USP1: variants seen among roughly 807,000 people sequenced by gnomAD.
USP1 encodes the protein ubiquitin specific peptidase 1.
In USP1, 18 loss-of-function variants were observed where a neutral mutation model predicts 72.2. The observed-to-expected ratio is 0.25, with a 90% confidence interval of 0.17 to 0.37. USP1 has a LOEUF of 0.37. Ranked by LOEUF, USP1 falls within the 10% of genes least tolerant of loss-of-function variation. The probability of loss-of-function intolerance (pLI) is 1.00; values close to 1 mark genes in which losing one functional copy is unlikely to be tolerated. For missense variants in USP1, 759 were observed against 884.9 expected (o/e 0.86, Z 1.81); for synonymous variants, 354 against 303.7 (o/e 1.17, Z -1.72).
Position 62,444,861 on chromosome 1 carries a change from A to G in USP1, c.681A>G (p.Ala227=), listed in dbSNP as rs777495909. The change falls in exon 6 of 9, where the codon GCA becomes GCG. Residue 227 remains alanine, a synonymous_variant. Transcript: ENST00000339950. ...AAAAAGAAGAAGTAAAAAATGTGGC[A>G]GAATTACCTACTAAGGTAGAAGAAA... is the stretch of plus-strand genomic sequence containing the variant. ...LLKKEEVKNV[A]ELPTKVEEIP... 17 of 1,613,614 alleles carry G rather than the reference A, an allele frequency of 1.1e-5. No individual in the cohort carries two copies. Among genetic ancestry groups the G allele is most frequent in the Non-Finnish European group, 1.2e-5 (14 of 1,179,820 alleles).
At chr1:62,440,173 A>G in intron 2 of USP1, 136 bp downstream of exon 2, 1 of 691,734 alleles carries the variant, frequency 1.4e-6, no homozygotes, top group Non-Finnish European at 2.1e-6. Context: ...AGTCAAATCT[A>G]GCAGTTTATA....
chr1:62,441,506 A>T lies in USP1; in HGVS notation c.189A>T (p.Ala63=). The T allele has an allele frequency of 1.2e-6, 2 of 1,610,096 alleles. No individual in the cohort carries two copies. The highest frequency in any genetic ancestry group is 1.7e-6 in the Non-Finnish European group (2 of 1,178,904). The part of the protein sequence containing the change: ...RASEIDQVVP[A]AQSSPINCEK... ...TTCATAGTGATCAAGTTGTTCCTGC[A>T]GCACAGTCTTCACCTATAAACTGTG... The change falls in exon 3 of 9, where the codon GCA becomes GCT. Residue 63 remains alanine (A), a synonymous_variant. Coordinates refer to ENST00000339950, the MANE Select transcript of USP1 (RefSeq NM_003368.5).
intron 1 of USP1, among the ~76,000 whole-genome samples, chr1:62,438,111 C>A (rs1015137244): frequency 7.2e-5 from 11 of 151,994 alleles, no homozygotes; most frequent in African/African-American, 2.7e-4. Flanking sequence ...ATGTTACATT[C>A]TCGGTGTGAG....
At chr1:62,447,048 G>A (rs908434323) in intron 6 of USP1, among the ~76,000 whole-genome samples, 1 of 152,058 alleles carries the variant, frequency 6.6e-6, no homozygotes, top group African/African-American at 2.4e-5. Flanking sequence ...TCCGACCTCA[G>A]GTGATCTGCC....
intron 5 of USP1, among the ~76,000 whole-genome samples, chr1:62,444,526 A>G (rs769455060): frequency 1.2e-4 from 19 of 152,180 alleles, no homozygotes; most frequent in Non-Finnish European, 2.6e-4. Flanking sequence ...ATATATTTAG[A>G]AGAGGATCAA....
At position 62,445,040 on chromosome 1, in the gene USP1, C is replaced by G. The variant is rs759419689; in HGVS notation, c.860C>G (p.Ser287Cys). The change falls in exon 6 of 9, where the codon TCC becomes TGC. Residue 287 changes from serine (S) to cysteine (C), a missense_variant. Transcript: ENST00000339950. ...AACATGAAGAAAAAAGTTAAATTAT[C>G]CAAGGAACACCAGTCATTGGAAGAG... is the stretch of plus-strand genomic sequence containing the variant. Reference protein sequence around the residue: ...FGNMKKKVKLSKEHQSLEENQ... With the variant: ...FGNMKKKVKLCKEHQSLEENQ... 1.2e-6 allele frequency: 2 copies of G among 1,612,902 alleles called. No individual in the cohort carries two copies. The highest frequency in any genetic ancestry group is 1.7e-6 in the Non-Finnish European group (2 of 1,179,766).
chr1:62,448,718 TAA>T lies in USP1; in HGVS notation c.1622+53_1622+54del, dbSNP rs749904592. ...GAAGAAAATGAGCTGCTGTAGAAGA[TAA>T]GTCTTGTTCAAAATGCTGTAATAGT... On this transcript the variant is annotated intron_variant, in intron 8 of 8. Coordinates refer to ENST00000339950, the MANE Select transcript of USP1 (RefSeq NM_003368.5). 18 of 1,549,106 alleles carry T rather than the reference TAA, an allele frequency of 1.2e-5. No individual in the cohort carries two copies. The South Asian group carries it at 1.8e-4, about 16-fold the overall frequency.
Position 62,444,892 on chromosome 1 carries a change from C to G in USP1, c.712C>G (p.His238Asp). 1 of 1,613,548 alleles carries G rather than the reference C, an allele frequency of 6.2e-7. No homozygotes were observed. Among genetic ancestry groups the G allele is most frequent in the Non-Finnish European group, 8.5e-7 (1 of 1,179,814 alleles). ...ACCTACTAAGGTAGAAGAAATACCT[C>G]ATCCGAAAGAGGAAATGAATGGTAT... ...ELPTKVEEIP[H>D]PKEEMNGINS... Residue 238 changes from histidine (H) to aspartate (D), a missense_variant, in exon 6 of 9, where the codon CAT (histidine) becomes GAT (aspartate). Around this residue, in one of 9 missense-constraint regions of USP1, gnomAD observed 245 missense variants for 240.7 expected, o/e 1.02. Transcript: ENST00000339950.
Position 62,450,703 on chromosome 1 carries a change from G to A in USP1, c.2080G>A (p.Ala694Thr), listed in dbSNP as rs1227080414. Reference sequence around the variant, plus strand: ...TAATCCTGATAAGGTTGCTAGTACAGCGTTTGCTGAAAATAGAAATTCTGA... The same window carrying A: ...TAATCCTGATAAGGTTGCTAGTACAACGTTTGCTGAAAATAGAAATTCTGA... ...ASNPDKVASTAFAENRNSETS... is the reference protein window; with the variant it reads ...ASNPDKVASTTFAENRNSETS... Residue 694 changes from alanine to threonine, a missense_variant, in exon 9 of 9, where the codon GCG becomes ACG. Transcript: ENST00000339950. 1 of 1,614,108 alleles carries A rather than the reference G, an allele frequency of 6.2e-7. No individual in the cohort carries two copies.
chr1:62,437,567 C>A (rs1484550386), intron 1 of USP1, among the ~76,000 whole-genome samples, 167 bp downstream of exon 1: 1 of 152,078 alleles, frequency 6.6e-6, no homozygotes, highest in East Asian at 1.9e-4. Context: ...GTCTTGCCGC[C>A]GCCGGGACGC....
chr1:62,450,131 A>G (rs1444694553), intron 8 of USP1, 115 bp from the exon 9 acceptor site: 4 of 1,304,882 alleles, frequency 3.1e-6, no homozygotes, highest in African/African-American at 1.5e-5. Flanking sequence ...TTTCTGATAT[A>G]TGAACACTGG....
Position 62,441,580 on chromosome 1 carries a change from A to G in USP1, c.263A>G (p.Asn88Ser), listed in dbSNP as rs1478202620. The G allele has an allele frequency of 1.9e-6, 3 of 1,613,312 alleles. No homozygotes were observed. The highest frequency in any genetic ancestry group is 1.7e-6 in the Non-Finnish European group (2 of 1,179,720). The change falls in exon 3 of 9, where the codon AAT becomes AGT. Residue 88 changes from asparagine to serine, a missense_variant. Physicochemically the swap from Asn to Ser is conservative, Grantham distance 46 (BLOSUM62 1). Around this residue, in one of 9 missense-constraint regions of USP1, gnomAD observed 13 missense variants for 35.5 expected, o/e 0.37. Coordinates refer to ENST00000339950, the MANE Select transcript of USP1 (RefSeq NM_003368.5). ...LPFVGLNNLG[N>S]TCYLNSILQV... The stretch of plus-strand genomic sequence containing the variant: ...TTTGTGGGACTGAATAATCTCGGCA[A>G]TACTTGCTATCTTAATAGTATACTT...
chr1:62,444,065 T>C (rs1645152023), intron 5 of USP1, among the ~76,000 whole-genome samples: 2 of 151,964 alleles, frequency 1.3e-5, no homozygotes, highest in African/African-American at 4.8e-5. Flanking sequence ...TCAAGACCAG[T>C]GTGGCCAACA....
Position 62,437,101 on chromosome 1 carries a change from C to T in USP1, c.-369C>T, listed in dbSNP as rs769599093. ...CGGAGTGCTAAAGACCCTAGCGGTTCAGGCGTTCGGCGAGCGGGGCCGCTG... is the reference window on the plus strand; with the variant it reads ...CGGAGTGCTAAAGACCCTAGCGGTTTAGGCGTTCGGCGAGCGGGGCCGCTG... On this transcript the variant is annotated 5_prime_UTR_variant, in exon 1 of 9. Coordinates refer to ENST00000339950, the MANE Select transcript of USP1 (RefSeq NM_003368.5). 3.3e-5 allele frequency: 13 copies of T among 398,914 alleles called. No homozygotes were observed. Among genetic ancestry groups the T allele is most frequent in the Non-Finnish European group, 5.3e-5 (12 of 226,076 alleles). 24.7% of individuals were successfully genotyped at this position (398,914 alleles called of 1,614,324 possible). A position where few individuals can be genotyped will look rare whatever the true frequency, so the allele number is the denominator to read the frequency against.
At chr1:62,443,847 G>T (rs781114955) in intron 5 of USP1, among the ~76,000 whole-genome samples, 1 of 152,152 alleles carries the variant, frequency 6.6e-6, no homozygotes, top group Non-Finnish European at 1.5e-5. Context: ...TCTTAAAAAT[G>T]AAACTTTACA....
chr1:62,439,802 T>C lies in USP1; in HGVS notation c.-66T>C, dbSNP rs1645119796. 15 of 1,270,144 alleles carry C rather than the reference T, an allele frequency of 1.2e-5. No homozygotes were observed. Among genetic ancestry groups the C allele is most frequent in the African/African-American group, 1.5e-5 (1 of 65,620 alleles). The allele number at this position is 1,270,144 out of a possible 1,614,324, so 78.7% of individuals were successfully genotyped here. ...AAACTTTCTCTGTGATTAACAGATATAATTGGTGATTACAACTTTCCTCTA... is the reference window on the plus strand; with the variant it reads ...AAACTTTCTCTGTGATTAACAGATACAATTGGTGATTACAACTTTCCTCTA... On this transcript the variant is annotated 5_prime_UTR_variant, in exon 2 of 9. An upstream open reading frame in the 5' UTR loses its in-frame stop. Transcript: ENST00000339950.
intron 8 of USP1, among the ~76,000 whole-genome samples, chr1:62,449,741 A>G (rs941839974): frequency 6.6e-6 from 1 of 151,884 alleles, no homozygotes; most frequent in African/African-American, 2.4e-5. Context: ...ACAAAACCCT[A>G]TCTCTACAAA....
chr1:62,447,157 A>C (rs1401518695), intron 6 of USP1, among the ~76,000 whole-genome samples, 184 bp from the exon 7 acceptor site: 1 of 152,216 alleles, frequency 6.6e-6, no homozygotes, highest in East Asian at 1.9e-4. Flanking sequence ...AGTCAGTTTT[A>C]TCTTTACAGG....
In USP1 at chr1:62,450,843, A is replaced by G. The variant is rs1421378827; in HGVS notation, c.2220A>G (p.Leu740=). 2 of 1,614,088 alleles carry G rather than the reference A, an allele frequency of 1.2e-6. No homozygotes were observed. The highest frequency in any genetic ancestry group is 3.3e-5 in the Admixed American group (2 of 60,020). ...ENKISYVVQS[L]KEYEGKWLLF... is the part of the protein sequence containing the mutation. ...AAATTTCATACGTAGTGCAAAGCTT[A>G]AAGGAGTATGAGGGGAAGTGGTTGC... The change falls in exon 9 of 9, where the codon TTA becomes TTG. Residue 740 remains leucine (L), a synonymous_variant. Coordinates refer to ENST00000339950, the MANE Select transcript of USP1 (RefSeq NM_003368.5).
Sources: gnomAD v4.1 joint callset for allele counts (sites outside exome capture counted in the v4.1 genomes callset) on GRCh38, gnomAD v4.1.1 for gene constraint, gnomAD v4.1.1 regional missense constraint, MANE v1.5 for transcripts, NCBI Gene and HGNC (gene_info 2026-07-23, HGNC 2026-07-21) for gene names.